The following FAS variants were observed in gnomAD, a reference collection of about 807,000 sequenced individuals.
FAS encodes the protein Fas cell surface death receptor, also known as tumor necrosis factor receptor superfamily member 6.
In FAS, 5 loss-of-function variants were observed where a neutral mutation model predicts 33.2. The observed-to-expected ratio is 0.15, with a 90% CI of 0.08 to 0.32. FAS has a LOEUF of 0.32. Among genes scored for constraint, FAS ranks in the 10% least tolerant of loss-of-function variants. FAS has a pLI of 1.00. For missense variants in FAS, 339 were observed against 386.0 expected (o/e 0.88, Z 1.02); for synonymous variants, 131 against 130.7 (o/e 1.00, Z -0.01).
In FAS at chr10:89,015,648, A is replaced by G; in HGVS notation, c.*1198A>G. 1 of 498,050 alleles carries G rather than the reference A, an allele frequency of 2.0e-6. No homozygotes were observed. The highest frequency in any genetic ancestry group is 3.8e-6 in the Non-Finnish European group (1 of 260,504). 30.9% of individuals were successfully genotyped at this position (498,050 alleles called of 1,614,324 possible). A position where few individuals can be genotyped will look rare whatever the true frequency, so the allele number is the denominator to read the frequency against. ...AATATTTATATTTCTGTAAATGTAA[A>G]CTGTGAAGATAGTTATAAACTGAAG... is the stretch of plus-strand genomic sequence containing the variant. On this transcript the variant is annotated 3_prime_UTR_variant, in exon 9 of 9. Coordinates refer to ENST00000652046, the MANE Select transcript of FAS (RefSeq NM_000043.6).
chr10:88,988,377 G>A (rs1846971908), upstream of FAS, among the ~76,000 whole-genome samples: 1 of 150,398 alleles, frequency 6.6e-6, no homozygotes, highest in African/African-American at 2.4e-5. Context: ...GGACCAAAGG[G>A]GAAAAGAACA....
chr10:88,996,699 T>C (rs1460356946), intron 1 of FAS, among the ~76,000 whole-genome samples: 2 of 152,222 alleles, frequency 1.3e-5, no homozygotes, highest in Non-Finnish European at 2.9e-5. Context: ...TACATAATTA[T>C]CTTCCAAAAT....
Position 88,992,610 on chromosome 10 carries a change from G to T in FAS, c.30+1704G>T, listed in dbSNP as rs1847311631. ...ACATATTATAATACCTATAAGTTAG[G>T]TATAACTTATATTTGTATATGATAT... is the stretch of plus-strand genomic sequence containing the variant. On this transcript the variant is annotated intron_variant, in intron 1 of 8. Transcript: ENST00000652046. The T allele has an allele frequency of 2.0e-5, 3 of 152,060 alleles. No homozygotes were observed. In the South Asian group the frequency reaches 6.2e-4, roughly 32 times the overall value. 9.4% of individuals were successfully genotyped at this position (152,060 alleles called of 1,614,324 possible). A position where few individuals can be genotyped will look rare whatever the true frequency, so the allele number is the denominator to read the frequency against.
intron 1 of FAS, among the ~76,000 whole-genome samples, chr10:88,972,404 A>T (rs565710690): frequency 1.3e-4 from 20 of 152,334 alleles, no homozygotes; most frequent in African/African-American, 4.8e-4. Flanking sequence ...TAGGAAAAAA[A>T]TTGATCTCCT....
chr10:88,982,220 A>G (rs1846728395), upstream of FAS, among the ~76,000 whole-genome samples: 1 of 152,134 alleles, frequency 6.6e-6, no homozygotes, highest in Non-Finnish European at 1.5e-5. Context: ...AAGAAGACCT[A>G]CCTCCCAAGA....
upstream of FAS, among the ~76,000 whole-genome samples, chr10:88,984,344 G>T (rs2133357938): frequency 6.6e-6 from 1 of 152,082 alleles, no homozygotes; most frequent in African/African-American, 2.4e-5. Context: ...GGTCCCAGAG[G>T]TCTCTCCCAT....
Position 88,990,996 on chromosome 10 carries a change from G to C in FAS, c.30+90G>C, listed in dbSNP as rs1488183371. ...GCGGGCGCGGGACGCGTGCGGGATTGCGGCGGCAGCGGCGCACGCGGGCAC... is the reference window on the plus strand; with the variant it reads ...GCGGGCGCGGGACGCGTGCGGGATTCCGGCGGCAGCGGCGCACGCGGGCAC... On this transcript the variant is annotated intron_variant, in intron 1 of 8. Coordinates refer to ENST00000652046, the MANE Select transcript of FAS (RefSeq NM_000043.6). This position sits in a 1 kb window ranked among gnomAD's most constrained non-coding sequence, Gnocchi z 4.9. 2 of 1,567,416 alleles carry C rather than the reference G, an allele frequency of 1.3e-6. No individual in the cohort carries two copies. The highest frequency in any genetic ancestry group is 1.8e-6 in the Non-Finnish European group (2 of 1,142,344).
intron 1 of FAS, among the ~76,000 whole-genome samples, chr10:88,992,698 G>A (rs1441516764): frequency 6.6e-6 from 1 of 152,066 alleles, no homozygotes; most frequent in Non-Finnish European, 1.5e-5. Context: ...CAAATACAAA[G>A]ATCAGACATA....
intron 1 of FAS, among the ~76,000 whole-genome samples, chr10:88,999,360 G>T (rs560259355): frequency 6.6e-6 from 1 of 152,094 alleles, no homozygotes; most frequent in East Asian, 1.9e-4. Flanking sequence ...GGGTTAAAAT[G>T]TCCACTTTCA....
intron 2 of FAS, among the ~76,000 whole-genome samples, chr10:88,976,185 C>T (rs535433493): frequency 4.0e-5 from 6 of 151,188 alleles, no homozygotes; most frequent in East Asian, 1.9e-4. Context: ...TACACTAACA[C>T]TAACTATAGC....
chr10:88,981,590 C>T (rs1036304911), intron 2 of FAS, among the ~76,000 whole-genome samples: 1 of 152,104 alleles, frequency 6.6e-6, no homozygotes, highest in Non-Finnish European at 1.5e-5. Flanking sequence ...TTTCCCAATT[C>T]AATCCAACAG....
At chr10:89,004,284 G>GT (rs1447906357) in intron 2 of FAS, among the ~76,000 whole-genome samples, 1 of 152,110 alleles carries the variant, frequency 6.6e-6, no homozygotes, top group Non-Finnish European at 1.5e-5. Context: ...AATTTAAGAA[G>GT]TGAATGTAAA....
intron 2 of FAS, among the ~76,000 whole-genome samples, chr10:88,978,261 A>AG (rs1199068890): frequency 3.6e-4 from 35 of 97,434 alleles, no homozygotes; most frequent in African/African-American, 1.1e-3. Flanking sequence ...GGGTGGGGGG[A>AG]GGGGGGAGGG....
intron 2 of FAS, among the ~76,000 whole-genome samples, chr10:88,979,517 A>C (rs1846656983): frequency 6.6e-6 from 1 of 152,242 alleles, no homozygotes; most frequent in African/African-American, 2.4e-5. Flanking sequence ...TGTAGGCAGC[A>C]ATAACCCTAA....
chr10:89,013,488 C>T (rs758751007), intron 8 of FAS, 121 bp downstream of exon 8: 168 of 940,094 alleles, frequency 1.8e-4, no homozygotes, highest in Non-Finnish European at 2.6e-4. Flanking sequence ...ATTTCTCATA[C>T]AATTCTACCT....
rs1394564635 is a variant in FAS, at chr10:89,015,507, G to T, written c.*1057G>T. On this transcript the variant is annotated 3_prime_UTR_variant, in exon 9 of 9. Coordinates refer to ENST00000652046, the MANE Select transcript of FAS (RefSeq NM_000043.6). ...ATAGCAATGGTAAAATCATCATCTG[G>T]ATTTAGGAATTGCTCTTGTCATACC... 4 of 534,272 alleles carry T rather than the reference G, an allele frequency of 7.5e-6. No homozygotes were observed. Among genetic ancestry groups the T allele is most frequent in the Middle Eastern group, 5.1e-4 (1 of 1,952 alleles). 33.1% of individuals were successfully genotyped at this position (534,272 alleles called of 1,614,324 possible).
At chr10:88,977,126 T>C (rs1442529109) in intron 2 of FAS, among the ~76,000 whole-genome samples, 2 of 152,164 alleles carry the variant, frequency 1.3e-5, no homozygotes, top group Non-Finnish European at 2.9e-5. Context: ...CTGTTCACTC[T>C]GATGGTAGTT....
At chr10:89,011,867 T>A in intron 6 of FAS, 132 bp from the exon 7 acceptor site, 1 of 815,716 alleles carries the variant, frequency 1.2e-6, no homozygotes, top group Non-Finnish European at 2.0e-6. Context: ...TCTCCTGCGA[T>A]GTTTGGCCAC....
intron 2 of FAS, among the ~76,000 whole-genome samples, chr10:88,979,659 C>T (rs1341616750): frequency 1.3e-5 from 2 of 151,630 alleles, no homozygotes; most frequent in African/African-American, 4.9e-5. Context: ...GGGGCGAGAA[C>T]AGCATAAATG....
Sources: allele counts gnomAD v4.1 joint callset (sites outside exome capture counted in the v4.1 genomes callset), GRCh38; gene constraint gnomAD v4.1.1; non-coding constraint Gnocchi (gnomAD v3.1); transcripts MANE v1.5; gene names NCBI Gene and HGNC (gene_info 2026-07-23, HGNC 2026-07-21).